The following KCNH8 variants were observed in gnomAD, a reference collection of about 807,000 sequenced individuals.
KCNH8 encodes potassium voltage-gated channel subfamily H member 8, also known as voltage-gated delayed rectifier potassium channel KCNH8.
KCNH8 carries 70 observed loss-of-function variants against 103.6 expected under a neutral mutation model. The observed-to-expected ratio is 0.68, with a 90% CI of 0.56 to 0.82. The LOEUF is 0.82. KCNH8 is among the 40% of genes least tolerant of loss of function. KCNH8 has a pLI of 0.00. For missense variants in KCNH8, 1,217 were observed against 1,329.9 expected, an observed-to-expected ratio of 0.92 and a Z score of 1.32; for synonymous variants, 498 against 489.4, an observed-to-expected ratio of 1.02 and a Z score of -0.23.
intron 5 of KCNH8, among the ~76,000 whole-genome samples, chr3:19,388,199 A>G (rs1019176431): frequency 2.0e-5 from 3 of 152,108 alleles, no homozygotes; most frequent in Non-Finnish European, 2.9e-5. Flanking sequence ...ACCTTAGCCT[A>G]TATTGCGGAA....
chr3:19,224,421 A>G (rs1238984652), intron 1 of KCNH8, among the ~76,000 whole-genome samples: 1 of 152,132 alleles, frequency 6.6e-6, no homozygotes, highest in Non-Finnish European at 1.5e-5. Flanking sequence ...TATGAAACCT[A>G]AATAGTCTAT....
At chr3:19,242,132 T>C (rs1305446910) in intron 1 of KCNH8, among the ~76,000 whole-genome samples, 3 of 152,302 alleles carry the variant, frequency 2.0e-5, no homozygotes, top group Admixed American at 6.5e-5. Context: ...TTCCAGGCCA[T>C]GAAAGAGGTA....
At chr3:19,261,579 G>A (rs1353912023) in intron 2 of KCNH8, among the ~76,000 whole-genome samples, 1 of 151,652 alleles carries the variant, frequency 6.6e-6, no homozygotes, top group Non-Finnish European at 1.5e-5. Context: ...CCCTTGCTAT[G>A]CAGAAGGTTT....
chr3:19,450,408 T>G lies in KCNH8; in HGVS notation c.1575+103T>G, dbSNP rs760942290. 3 of 844,786 alleles carry G rather than the reference T, an allele frequency of 3.6e-6. No homozygotes were observed. In the East Asian group the frequency reaches 7.6e-5, roughly 22 times the overall value. 52.3% of individuals were successfully genotyped at this position (844,786 alleles called of 1,614,324 possible). ...ATCAGAAGTGAAAAGCATACCAACT[T>G]CTTTATTCCTTTACATTTTTAATTA... On this transcript the variant is annotated intron_variant, in intron 9 of 15. Coordinates refer to ENST00000328405, the MANE Select transcript of KCNH8 (RefSeq NM_144633.3).
At chr3:19,501,251 C>T (rs1018391533) in intron 11 of KCNH8, among the ~76,000 whole-genome samples, 4 of 152,104 alleles carry the variant, frequency 2.6e-5, no homozygotes, top group Non-Finnish European at 5.9e-5. Context: ...TCTGAATAGA[C>T]CAATAACAGG....
intron 10 of KCNH8, among the ~76,000 whole-genome samples, chr3:19,452,871 A>C (rs2067470917): frequency 6.6e-6 from 1 of 152,038 alleles, no homozygotes; most frequent in African/African-American, 2.4e-5. Context: ...AACAATATCT[A>C]TTTTTCTAAT....
rs144678225 is a variant in KCNH8 at position 19,172,994 on chromosome 3, A to C, written c.76+24199A>C. On this transcript the variant is annotated intron_variant, in intron 1 of 15. Transcript: ENST00000328405. ...TTAATTAAAGGAATAAAAGTGAGTT[A>C]GGTTAATTAAAGGAAAAAAACACAA... is the stretch of plus-strand genomic sequence containing the variant. Among the ~76,000 whole-genome samples the C allele has an allele frequency of 7.2e-5, 11 of 152,308 alleles. No individual in the cohort carries two copies. The East Asian group carries it at 2.1e-3, about 29-fold the overall frequency.
chr3:19,183,358 T>C (rs949648155), intron 1 of KCNH8, among the ~76,000 whole-genome samples: 1 of 152,190 alleles, frequency 6.6e-6, no homozygotes, highest in Admixed American at 6.5e-5. Flanking sequence ...AGACCAACTC[T>C]ACCAGATGGC....
At chr3:19,452,780 G>A (rs1467768559) in intron 10 of KCNH8, among the ~76,000 whole-genome samples, 1 of 152,170 alleles carries the variant, frequency 6.6e-6, no homozygotes, top group African/African-American at 2.4e-5. Context: ...GACAGATGGT[G>A]AAGGTATTTT....
Position 19,214,163 on chromosome 3 carries a change from T to C in KCNH8, c.77-39491T>C, listed in dbSNP as rs142812372. Among the ~76,000 whole-genome samples, 9 of 152,316 alleles carry C rather than the reference T, an allele frequency of 5.9e-5. No homozygotes were observed. The East Asian group carries it at 9.7e-4, about 16-fold the overall frequency. ...CATACCTATGTAATTCTCTACGACG[T>C]TGGGAGCTGAACTGCACTTTCTCTA... is the stretch of plus-strand genomic sequence containing the variant. On this transcript the variant is annotated intron_variant, in intron 1 of 15. Transcript: ENST00000328405.
At chr3:19,529,580 T>A (rs749278879) in intron 15 of KCNH8, among the ~76,000 whole-genome samples, 26 of 152,284 alleles carry the variant, frequency 1.7e-4, no homozygotes, top group Admixed American at 4.6e-4. Flanking sequence ...AAGACTGAGG[T>A]CCTTCCTGTT....
chr3:19,498,213 A>C (rs543127367), intron 11 of KCNH8, among the ~76,000 whole-genome samples: 3 of 152,152 alleles, frequency 2.0e-5, no homozygotes, highest in Non-Finnish European at 4.4e-5. Context: ...TGTTACTTTT[A>C]AATGGAGCAT....
Position 19,513,025 on chromosome 3 carries a change from A to C in KCNH8, c.2135A>C (p.Asp712Ala), listed in dbSNP as rs770080954. 2.5e-6 allele frequency: 4 copies of C among 1,613,662 alleles called. No homozygotes were observed. Among genetic ancestry groups the C allele is most frequent in the Admixed American group, 1.7e-5 (1 of 59,914 alleles). The change falls in exon 13 of 16, where the codon GAT becomes GCT. Residue 712 changes from aspartate to alanine, a missense_variant. This residue lies in a region of KCNH8 where 558 missense variants were observed against 495.8 expected (regional missense o/e 1.13). Coordinates refer to ENST00000328405, the MANE Select transcript of KCNH8 (RefSeq NM_144633.3). ...INKRLPSIVE[D>A]EEEEEEGEEE... ...AAGCGACTCCCATCCATTGTGGAAG[A>C]TGAGGAAGAGGAGGAGGAGGGGGAG...
At chr3:19,157,072 A>T (rs2063188465) in intron 1 of KCNH8, among the ~76,000 whole-genome samples, 1 of 149,960 alleles carries the variant, frequency 6.7e-6, no homozygotes, top group African/African-American at 2.5e-5. Flanking sequence ...TATTCCAGTT[A>T]TTGAACTAAA....
intron 1 of KCNH8, among the ~76,000 whole-genome samples, chr3:19,203,307 A>G (rs1167341394): frequency 6.6e-6 from 1 of 152,126 alleles, no homozygotes; most frequent in African/African-American, 2.4e-5. Flanking sequence ...AAGATTCAAA[A>G]TAATCAGAAT....
chr3:19,451,043 G>A, intron 9 of KCNH8, 112 bp from the exon 10 acceptor site: 1 of 1,000,010 alleles, frequency 1.0e-6, no homozygotes, highest in South Asian at 1.5e-5. Flanking sequence ...TCTGTATGCT[G>A]GATGGCCAAA....
Position 19,513,051 on chromosome 3 carries a change from G to C in KCNH8, c.2161G>C (p.Glu721Gln). The change falls in exon 13 of 16, where the codon GAA (glutamate) becomes CAA (glutamine). Residue 721 changes from glutamate to glutamine, a missense_variant. Coordinates refer to ENST00000328405, the MANE Select transcript of KCNH8 (RefSeq NM_144633.3). Reference protein sequence around the residue: ...EDEEEEEEGEEEEAVSLSPIC... With the variant: ...EDEEEEEEGEQEEAVSLSPIC... Reference sequence around the variant, plus strand: ...TGAGGAAGAGGAGGAGGAGGGGGAGGAAGAGGAGGCAGTCTCCCTCTCTCC... The same window carrying C: ...TGAGGAAGAGGAGGAGGAGGGGGAGCAAGAGGAGGCAGTCTCCCTCTCTCC... The C allele has an allele frequency of 6.2e-7, 1 of 1,613,642 alleles. No individual in the cohort carries two copies. Among genetic ancestry groups the C allele is most frequent in the Non-Finnish European group, 8.5e-7 (1 of 1,179,820 alleles).
At chr3:19,241,325 A>T (rs985496601) in intron 1 of KCNH8, among the ~76,000 whole-genome samples, 12 of 152,180 alleles carry the variant, frequency 7.9e-5, no homozygotes, top group Middle Eastern at 3.2e-3. Flanking sequence ...AGATCATACG[A>T]TTCAACTACT....
chr3:19,508,347 G>T (rs982518307), intron 11 of KCNH8, among the ~76,000 whole-genome samples: 1 of 152,106 alleles, frequency 6.6e-6, no homozygotes, highest in Non-Finnish European at 1.5e-5. Context: ...AAAATATATT[G>T]CATGCCAAAC....
Sources: gnomAD v4.1 joint callset for allele counts (sites outside exome capture counted in the v4.1 genomes callset) on GRCh38, gnomAD v4.1.1 for gene constraint, gnomAD v4.1.1 regional missense constraint, MANE v1.5 for transcripts, NCBI Gene and HGNC (gene_info 2026-07-23, HGNC 2026-07-21) for gene names.